The following RANBP2 variants were observed in gnomAD, a reference collection of about 807,000 sequenced individuals.
The protein encoded by RANBP2 is RAN binding protein 2.
Under a neutral mutation model 303.6 loss-of-function variants are expected in RANBP2, and 57 were observed. The ratio of observed to expected loss-of-function variants is 0.19; its 90% CI spans 0.15 to 0.23. The LOEUF is 0.23. RANBP2 is among the 10% of genes least tolerant of loss of function. The pLI, the probability that RANBP2 is intolerant of heterozygous loss-of-function variation, is 1.00. For synonymous variants in RANBP2, 1,167 were observed against 1,301.5 expected (o/e 0.90, Z 2.23); for missense variants, 3,138 against 3,780.8 (o/e 0.83, Z 4.46).
intron 1 of RANBP2, among the ~76,000 whole-genome samples, chr2:108,726,631 TA>T (rs199745203): frequency 2.0e-4 from 30 of 151,942 alleles, no homozygotes; most frequent in Middle Eastern, 6.8e-3. Flanking sequence ...TTATTATTAT[TA>T]TTTTTTTAAT....
the RANBP2 span, among the ~76,000 whole-genome samples, chr2:109,225,417 G>T: frequency 6.6e-6 from 1 of 152,174 alleles, no homozygotes; most frequent in African/African-American, 2.4e-5. Flanking sequence ...ACGTTAACAG[G>T]TTTCACAACG....
chr2:109,470,243 C>G, the RANBP2 span, among the ~76,000 whole-genome samples: 1 of 152,166 alleles, frequency 6.6e-6, no homozygotes, highest in African/African-American at 2.4e-5. Context: ...ATTTCCTCAT[C>G]AATAAGTGAT....
the RANBP2 span, among the ~76,000 whole-genome samples, chr2:108,941,614 A>C: frequency 2.6e-5 from 4 of 152,102 alleles, no homozygotes; most frequent in East Asian, 1.9e-4. Flanking sequence ...GAGAAGAAAA[A>C]CGATCTCCTT....
chr2:109,245,008 T>G, the RANBP2 span, among the ~76,000 whole-genome samples: 1 of 152,258 alleles, frequency 6.6e-6, no homozygotes, highest in East Asian at 1.9e-4. Context: ...TTGCTGTCTT[T>G]GTTGTTGGAT....
chr2:108,830,353 T>C, the RANBP2 span, among the ~76,000 whole-genome samples: 10 of 152,228 alleles, frequency 6.6e-5, no homozygotes, highest in Non-Finnish European at 1.5e-5. Context: ...TACACAACAG[T>C]GTGATTACAC....
the RANBP2 span, among the ~76,000 whole-genome samples, chr2:109,410,076 G>A: frequency 6.6e-6 from 1 of 152,012 alleles, no homozygotes; most frequent in Non-Finnish European, 1.5e-5. Flanking sequence ...GAACTAATAC[G>A]GCCTGGTTCC....
At chr2:108,920,892 C>T in the RANBP2 span, among the ~76,000 whole-genome samples, 872 of 152,196 alleles carry the variant, frequency 5.7e-3, 10 homozygotes, top group African/African-American at 0.02. Context: ...GGGAGCTGCC[C>T]GGGGCAGGAG....
At chr2:109,401,174 T>C in the RANBP2 span, among the ~76,000 whole-genome samples, 1 of 152,334 alleles carries the variant, frequency 6.6e-6, no homozygotes, top group African/African-American at 2.4e-5. Context: ...TCACCCTGTT[T>C]GTCACCAATG....
the RANBP2 span, among the ~76,000 whole-genome samples, chr2:109,626,245 C>T: frequency 2.0e-4 from 30 of 151,492 alleles, no homozygotes; most frequent in Middle Eastern, 3.5e-3. Flanking sequence ...TTTGAGAGGC[C>T]GAGGTGGGTG....
the RANBP2 span, among the ~76,000 whole-genome samples, chr2:109,666,944 A>G: frequency 6.6e-6 from 1 of 152,196 alleles, no homozygotes; most frequent in African/African-American, 2.4e-5. Context: ...TCCTCTGCCT[A>G]GAATTGTGGG....
chr2:109,528,922 G>A, the RANBP2 span, among the ~76,000 whole-genome samples: 1 of 152,214 alleles, frequency 6.6e-6, no homozygotes. Context: ...CCACCAAGGA[G>A]GGGCTGAGCT....
At chr2:109,186,647 C>T in the RANBP2 span, among the ~76,000 whole-genome samples, 2 of 152,082 alleles carry the variant, frequency 1.3e-5, no homozygotes, top group African/African-American at 2.4e-5. Flanking sequence ...TGGGATGGAG[C>T]CCCCTAGGAA....
the RANBP2 span, chr2:108,897,073 C>T: frequency 6.2e-7 from 1 of 1,614,190 alleles, no homozygotes; most frequent in Non-Finnish European, 8.5e-7. Flanking sequence ...GAGTTGCATG[C>T]CGTCTGTCAT....
chr2:109,196,745 C>G, the RANBP2 span, among the ~76,000 whole-genome samples: 6 of 152,164 alleles, frequency 3.9e-5, no homozygotes, highest in African/African-American at 1.4e-4. Context: ...CACCACATGC[C>G]CCGTGGCCTT....
chr2:109,275,673 G>C, the RANBP2 span, among the ~76,000 whole-genome samples: 122 of 152,294 alleles, frequency 8.0e-4, 1 homozygote, highest in Middle Eastern at 3.4e-3. Flanking sequence ...TTGTCTGGAT[G>C]CTTGATTAGC....
At chr2:108,927,136 C>T in the RANBP2 span, among the ~76,000 whole-genome samples, 6 of 152,198 alleles carry the variant, frequency 3.9e-5, no homozygotes, top group African/African-American at 1.2e-4. Flanking sequence ...CTGTCCCCAT[C>T]GTCTGCACCC....
the RANBP2 span, among the ~76,000 whole-genome samples, chr2:109,645,787 CATAG>C: frequency 6.6e-6 from 1 of 152,152 alleles, no homozygotes; most frequent in African/African-American, 2.4e-5. Flanking sequence ...AATCTGTGAA[CATAG>C]ATGAAGCTGT....
chr2:109,356,034 A>G, the RANBP2 span, among the ~76,000 whole-genome samples: 5 of 152,152 alleles, frequency 3.3e-5, no homozygotes, highest in Non-Finnish European at 7.4e-5. Context: ...TAGCCCTAAC[A>G]TGCTACAGTG....
the RANBP2 span, among the ~76,000 whole-genome samples, chr2:109,103,978 TAG>T: frequency 6.6e-6 from 1 of 151,924 alleles, no homozygotes; most frequent in Admixed American, 6.6e-5. Flanking sequence ...TATTTTTTAG[TAG>T]AGACAGGGTT....
Sources: gnomAD v4.1 joint callset for allele counts (sites outside exome capture counted in the v4.1 genomes callset) on GRCh38, gnomAD v4.1.1 for gene constraint, MANE v1.5 for transcripts, NCBI Gene and HGNC (gene_info 2026-07-23, HGNC 2026-07-21) for gene names.